The following ST8SIA6 variants were observed in gnomAD, a reference collection of about 807,000 sequenced individuals.
ST8SIA6 encodes the protein ST8 alpha-N-acetyl-neuraminide alpha-2,8-sialyltransferase 6.
ST8SIA6 carries 39 observed loss-of-function variants against 33.6 expected under a neutral mutation model. That is an observed-to-expected ratio of 1.16 (90% CI 0.90 to 1.52). The LOEUF (loss-of-function observed/expected upper bound fraction) is 1.52, where lower values mean the gene tolerates loss of function less well. Among genes scored for constraint, ST8SIA6 ranks in the 40% most tolerant of loss-of-function variants. ST8SIA6 has a pLI of 0.00. For missense variants in ST8SIA6, 441 were observed against 443.8 expected, an observed-to-expected ratio of 0.99 and a Z score of 0.06; for synonymous variants, 172 against 167.2, an observed-to-expected ratio of 1.03 and a Z score of -0.22.
chr10:17,402,287 T>A (rs989963551), intron 2 of ST8SIA6, among the ~76,000 whole-genome samples: 8 of 152,188 alleles, frequency 5.3e-5, no homozygotes, highest in African/African-American at 1.7e-4. Context: ...CAACAGGTGC[T>A]GGAGAGGATG....
intron 4 of ST8SIA6, among the ~76,000 whole-genome samples, chr10:17,346,803 A>G (rs1295930835): frequency 2.0e-5 from 3 of 152,202 alleles, no homozygotes; most frequent in South Asian, 4.1e-4. Flanking sequence ...TCTATCATCT[A>G]TCTATCTATC....
At chr10:17,360,289 T>C (rs1849338442) in intron 3 of ST8SIA6, among the ~76,000 whole-genome samples, 1 of 152,212 alleles carries the variant, frequency 6.6e-6, no homozygotes, top group East Asian at 1.9e-4. Context: ...TAAATTTTAT[T>C]TCAATTAGTA....
At chr10:17,408,713 CAAAT>C (rs143485986) in intron 2 of ST8SIA6, among the ~76,000 whole-genome samples, 2,113 of 151,820 alleles carry the variant, frequency 0.014, 21 homozygotes, top group African/African-American at 0.03. Flanking sequence ...CACTAAAACT[CAAAT>C]AAGTGAATTT....
chr10:17,418,653 T>C (rs2131704288), intron 2 of ST8SIA6, among the ~76,000 whole-genome samples: 1 of 152,330 alleles, frequency 6.6e-6, no homozygotes, highest in East Asian at 1.9e-4. Flanking sequence ...GCCAGACATA[T>C]GGCCTCCAAT....
chr10:17,427,857 A>G (rs763696173), intron 2 of ST8SIA6, among the ~76,000 whole-genome samples: 49 of 152,228 alleles, frequency 3.2e-4, no homozygotes, highest in Non-Finnish European at 6.2e-4. Context: ...AGCAGGAGCA[A>G]TGGCCTATCA....
At chr10:17,425,012 G>T (rs900871362) in intron 2 of ST8SIA6, among the ~76,000 whole-genome samples, 4 of 151,996 alleles carry the variant, frequency 2.6e-5, no homozygotes, top group Admixed American at 6.6e-5. Flanking sequence ...TGGGATTCAG[G>T]CATGAGCCAC....
chr10:17,326,270 T>C (rs1848126404), intron 6 of ST8SIA6, among the ~76,000 whole-genome samples: 1 of 152,124 alleles, frequency 6.6e-6, no homozygotes, highest in Non-Finnish European at 1.5e-5. Context: ...AAATCAGTGC[T>C]CCTAAAACAG....
At chr10:17,364,572 GA>G (rs1327916868) in intron 3 of ST8SIA6, among the ~76,000 whole-genome samples, 1 of 152,158 alleles carries the variant, frequency 6.6e-6, no homozygotes, top group African/African-American at 2.4e-5. Context: ...ATATAAAAGG[GA>G]ATTTTTTTCT....
At chr10:17,389,534 C>T (rs1372272401) in intron 3 of ST8SIA6, among the ~76,000 whole-genome samples, 2 of 152,144 alleles carry the variant, frequency 1.3e-5, no homozygotes, top group African/African-American at 2.4e-5. Context: ...TCTCAGGCCA[C>T]CAGTGCCTCT....
At position 17,413,377 on chromosome 10, in the gene ST8SIA6, C is replaced by T. The variant is rs143876802; in HGVS notation, c.201-22757G>A. 54 of 151,520 alleles carry T rather than the reference C, an allele frequency of 3.6e-4. No homozygotes were observed. In the East Asian group the frequency reaches 7.8e-3, roughly 22 times the overall value. The allele number at this position is 151,520 out of a possible 1,614,324, so 9.4% of individuals were successfully genotyped here. A position where few individuals can be genotyped will look rare whatever the true frequency, so the allele number is the denominator to read the frequency against. Reference sequence around the variant, plus strand: ...ACAGTCGAATGTAATTTGGAATTTACGAGTCTTATCACATTCTCATTCTGC... The same window carrying T: ...ACAGTCGAATGTAATTTGGAATTTATGAGTCTTATCACATTCTCATTCTGC... On this transcript the variant is annotated intron_variant, in intron 2 of 7. Coordinates refer to ENST00000377602, the MANE Select transcript of ST8SIA6 (RefSeq NM_001004470.3).
At chr10:17,329,053 C>T (rs1848220303) in intron 5 of ST8SIA6, among the ~76,000 whole-genome samples, 1 of 152,108 alleles carries the variant, frequency 6.6e-6, no homozygotes, top group African/African-American at 2.4e-5. Flanking sequence ...ACAGAAGATG[C>T]CCCAGAATCA....
At chr10:17,364,592 G>C (rs889909259) in intron 3 of ST8SIA6, among the ~76,000 whole-genome samples, 1 of 152,132 alleles carries the variant, frequency 6.6e-6, no homozygotes, top group Non-Finnish European at 1.5e-5. Context: ...CTAAGTGCTT[G>C]CCCTTTTTAG....
At chr10:17,333,068 C>A (rs12573141) in intron 4 of ST8SIA6, among the ~76,000 whole-genome samples, 1 of 151,988 alleles carries the variant, frequency 6.6e-6, no homozygotes, top group African/African-American at 2.4e-5. Context: ...AATCAATGTG[C>A]AAAAATTACA....
intron 3 of ST8SIA6, among the ~76,000 whole-genome samples, chr10:17,369,123 TC>T (rs1348924681): frequency 6.6e-6 from 1 of 152,210 alleles, no homozygotes; most frequent in Non-Finnish European, 1.5e-5. Context: ...AATTCACCCA[TC>T]ATATATGTAC....
chr10:17,347,254 G>T (rs1307809336), intron 4 of ST8SIA6, among the ~76,000 whole-genome samples: 1 of 152,156 alleles, frequency 6.6e-6, no homozygotes, highest in Non-Finnish European at 1.5e-5. Flanking sequence ...AGAGATGGGT[G>T]GTGAGATTGC....
At chr10:17,397,069 G>A (rs2131672219) in intron 2 of ST8SIA6, among the ~76,000 whole-genome samples, 1 of 152,226 alleles carries the variant, frequency 6.6e-6, no homozygotes, top group East Asian at 1.9e-4. Context: ...TGAATTTAAA[G>A]TAAGTGGCTG....
chr10:17,399,622 A>G (rs1317159460), intron 2 of ST8SIA6, among the ~76,000 whole-genome samples: 2 of 152,156 alleles, frequency 1.3e-5, no homozygotes, highest in Non-Finnish European at 1.5e-5. Context: ...ATAGTTTTCA[A>G]CAATGTAAAA....
Position 17,327,082 on chromosome 10 carries a change from G to A in ST8SIA6, c.567C>T (p.Val189=), listed in dbSNP as rs761812497. The A allele has an allele frequency of 6.2e-6, 10 of 1,609,100 alleles. No individual in the cohort carries two copies. Among genetic ancestry groups the A allele is most frequent in the South Asian group, 5.6e-5 (5 of 90,072 alleles). ...ACTTATTCAGAATTCCCCCATTTCC[G>A]ACCACTGCACACTGATTATAAGGGT... is the stretch of plus-strand genomic sequence containing the variant. ...VDYPYNQCAV[V]GNGGILNKSL... is the part of the protein sequence containing the mutation. The change falls in exon 6 of 8, where the codon GTC becomes GTT. Residue 189 remains valine, a synonymous_variant. Transcript: ENST00000377602.
chr10:17,368,275 G>A (rs1055572365), intron 3 of ST8SIA6, among the ~76,000 whole-genome samples: 1 of 149,414 alleles, frequency 6.7e-6, no homozygotes, highest in Non-Finnish European at 1.5e-5. Context: ...AATTAGCCAG[G>A]CATGGTGGCA....
Sources: gnomAD v4.1 joint callset for allele counts (sites outside exome capture counted in the v4.1 genomes callset) on GRCh38, gnomAD v4.1.1 for gene constraint, MANE v1.5 for transcripts, NCBI Gene and HGNC (gene_info 2026-07-23, HGNC 2026-07-21) for gene names.